The following ODF2L variants were observed in gnomAD, a reference collection of about 807,000 sequenced individuals.
ODF2L encodes outer dense fiber of sperm tails 2 like.
A neutral mutation model predicts 86.3 loss-of-function variants in ODF2L; 76 were observed. The observed-to-expected ratio is 0.88, with a 90% CI of 0.73 to 1.07. ODF2L has a LOEUF of 1.07. Ranked by LOEUF, ODF2L falls within the 50% of genes least tolerant of loss-of-function variation. ODF2L has a pLI of 0.00. For missense variants in ODF2L, 748 were observed against 717.4 expected (o/e 1.04, Z -0.49); for synonymous variants, 241 against 231.3 (o/e 1.04, Z -0.38).
rs946852063 is a variant in ODF2L, at chr1:86,360,314, C to T, written c.1254+112G>A. ...ATATTTGAGACACACCATATTATAA[C>T]CCACAATGATAGCCCCACCTCTCTT... is the stretch of plus-strand genomic sequence containing the variant. On this transcript the variant is annotated intron_variant, in intron 12 of 17. Coordinates refer to ENST00000317336, the Ensembl canonical transcript of ODF2L. The T allele has an allele frequency of 1.2e-5, 7 of 564,490 alleles. No individual in the cohort carries two copies. In the South Asian group the frequency reaches 1.8e-4, roughly 14 times the overall value. The allele number at this position is 564,490 out of a possible 1,614,324, so 35.0% of individuals were successfully genotyped here.
chr1:86,357,628 T>C (rs1226089540), intron 13 of ODF2L: 1 of 223,302 alleles, frequency 4.5e-6, no homozygotes, highest in Non-Finnish European at 7.3e-6. Context: ...GACTGAAAAA[T>C]GTCTGTTTTA....
rs185521727 is a variant in ODF2L at position 86,369,718 on chromosome 1, A to G, written c.1057-996T>C. On this transcript the variant is annotated intron_variant, in intron 10 of 17. Coordinates refer to ENST00000317336, the Ensembl canonical transcript of ODF2L. ...TACTGCATAACACTATGTATCTCCC[A>G]CAAAGACAGATCAGTACGTAGCAAA... Among the ~76,000 whole-genome samples, 5 of 152,308 alleles carry G rather than the reference A, an allele frequency of 3.3e-5. No individual in the cohort carries two copies. The East Asian group carries it at 9.6e-4, about 29-fold the overall frequency.
intron 8 of ODF2L, chr1:86,374,950 G>C (rs1357674407): frequency 6.6e-6 from 1 of 152,074 alleles, no homozygotes; most frequent in East Asian, 1.9e-4. Context: ...GCAAGCTCCT[G>C]CCTTCTGAGA....
At position 86,356,359 on chromosome 1, in the gene ODF2L, C is replaced by T. The variant is rs57534123; in HGVS notation, c.1518+85G>A. The T allele has an allele frequency of 1.3e-3, 1,388 of 1,092,962 alleles. 25 individuals are homozygous for T. The African/African-American group carries it at 0.02, about 16-fold the overall frequency. The allele number at this position is 1,092,962 out of a possible 1,614,324, so 67.7% of individuals were successfully genotyped here. A position where few individuals can be genotyped will look rare whatever the true frequency, so the allele number is the denominator to read the frequency against. Reference sequence around the variant, plus strand: ...TAGATGGGAATTTAAAAATCAAGCCCTGACATGAGTGCCCTCAACTGGTGA... The same window carrying T: ...TAGATGGGAATTTAAAAATCAAGCCTTGACATGAGTGCCCTCAACTGGTGA... On this transcript the variant is annotated intron_variant, in intron 14 of 17. Transcript: ENST00000317336.
intron 11 of ODF2L, among the ~76,000 whole-genome samples, chr1:86,367,571 A>C (rs78338165): frequency 2.0e-5 from 3 of 151,644 alleles, no homozygotes; most frequent in African/African-American, 4.8e-5. Context: ...AAAAAACAAA[A>C]CAACAACAAA....
intron 7 of ODF2L, among the ~76,000 whole-genome samples, chr1:86,381,400 C>T (rs1415922236): frequency 6.6e-6 from 1 of 151,964 alleles, no homozygotes; most frequent in Non-Finnish European, 1.5e-5. Flanking sequence ...AATTTATTAT[C>T]CCCCATAAAC....
intron 1 of ODF2L, among the ~76,000 whole-genome samples, chr1:86,389,265 G>T (rs1273978284): frequency 2.0e-5 from 3 of 152,076 alleles, no homozygotes; most frequent in African/African-American, 7.2e-5. Flanking sequence ...AGTGTTGGGT[G>T]CAACAAAGAC....
intron 14 of ODF2L, 146 bp downstream of exon 13, chr1:86,356,298 T>C (rs1658555151): frequency 1.9e-5 from 11 of 564,224 alleles, no homozygotes; most frequent in Middle Eastern, 4.7e-4. Flanking sequence ...AACTGTATTA[T>C]AGTATCTGCA....
chr1:86,382,220 T>A (rs369008521), intron 7 of ODF2L, 22 bp downstream of exon 7: 1 of 1,552,470 alleles, frequency 6.4e-7, no homozygotes, highest in Admixed American at 1.9e-5. Flanking sequence ...GCTATAAAAA[T>A]GGATATATAT....
rs1214111931 is a variant in ODF2L at position 86,360,277 on chromosome 1, G to A, written c.1254+149C>T. 5.8e-6 allele frequency: 3 copies of A among 517,592 alleles called. No individual in the cohort carries two copies. In the African/African-American group the frequency reaches 5.9e-5, roughly 10 times the overall value. The allele number at this position is 517,592 out of a possible 1,614,324, so 32.1% of individuals were successfully genotyped here. A position where few individuals can be genotyped will look rare whatever the true frequency, so the allele number is the denominator to read the frequency against. On this transcript the variant is annotated intron_variant, in intron 12 of 17. Coordinates refer to ENST00000317336, the Ensembl canonical transcript of ODF2L. ...AATCATCTATTTATAAAGATGTGTG[G>A]GACCTTAAGAAATATTTGAGACACA...
rs137963603 is a variant in ODF2L, at chr1:86,364,941, T to C, written c.1143+3695A>G. 1.3e-3 allele frequency among the ~76,000 whole-genome samples: 196 copies of C among 152,358 alleles called. 1 individual carries two copies. The highest frequency in any genetic ancestry group is 4.3e-3 in the African/African-American group (178 of 41,588). ...ATCTTAACTAAGACTTGCTGAAATA[T>C]AAAAGAAACTTCCCTAGTGCTGCTA... is the stretch of plus-strand genomic sequence containing the variant. On this transcript the variant is annotated intron_variant, in intron 11 of 17. Coordinates refer to ENST00000317336, the Ensembl canonical transcript of ODF2L.
chr1:86,386,807 G>A, intron 2 of ODF2L, 108 bp downstream of exon 2: 1 of 559,030 alleles, frequency 1.8e-6, no homozygotes, highest in East Asian at 3.1e-5. Context: ...ATTTGGAAAA[G>A]ATACTCTTAA....
At chr1:86,356,930 A>G (rs1394913135) in intron 13 of ODF2L, among the ~76,000 whole-genome samples, 1 of 152,230 alleles carries the variant, frequency 6.6e-6, no homozygotes, top group Non-Finnish European at 1.5e-5. Flanking sequence ...CATTACTAAT[A>G]AAGCCGTAAT....
At chr1:86,372,540 C>T in exon 9 of ODF2L, 1 of 1,463,336 alleles carries the variant, frequency 6.8e-7, no homozygotes. Context: ...AACTTGGCTT[C>T]CTAAAAAATA....
At chr1:86,386,574 G>A (rs1660967320) in intron 2 of ODF2L, 1 of 205,150 alleles carries the variant, frequency 4.9e-6, no homozygotes, top group South Asian at 1.9e-4. Context: ...TTTCAGTAGA[G>A]ATGGGGTTTC....
intron 7 of ODF2L, among the ~76,000 whole-genome samples, chr1:86,377,419 C>T (rs1343514175): frequency 2.6e-5 from 4 of 152,184 alleles, no homozygotes; most frequent in Non-Finnish European, 5.9e-5. Flanking sequence ...GTCTGGAGGA[C>T]TTGTGGCCCT....
At chr1:86,393,800 T>G (rs1249809624) in intron 1 of ODF2L, among the ~76,000 whole-genome samples, 7 of 152,228 alleles carry the variant, frequency 4.6e-5, no homozygotes, top group Admixed American at 2.6e-4. Context: ...TGAGGACAAA[T>G]AATACGCATC....
exon 10 of ODF2L, chr1:86,371,044 G>T: frequency 6.4e-7 from 1 of 1,574,692 alleles, no homozygotes; most frequent in South Asian, 1.2e-5. Context: ...TCAAGATTCA[G>T]AGTTTCATTT....
At chr1:86,365,867 T>G (rs906786835) in intron 11 of ODF2L, among the ~76,000 whole-genome samples, 6 of 152,112 alleles carry the variant, frequency 3.9e-5, no homozygotes, top group African/African-American at 1.4e-4. Flanking sequence ...AACAGCTAAC[T>G]ACCACTACCC....
Sources: gnomAD v4.1 joint callset for allele counts (sites outside exome capture counted in the v4.1 genomes callset) on GRCh38, gnomAD v4.1.1 for gene constraint, MANE v1.5 for transcripts, NCBI Gene and HGNC (gene_info 2026-07-23, HGNC 2026-07-21) for gene names.